CHST9: variants seen among roughly 807,000 people sequenced by gnomAD.
CHST9 encodes GalNAc-4-sulfotransferase 2.
In CHST9, 41 loss-of-function variants were observed where a neutral mutation model predicts 44.4. The ratio of observed to expected loss-of-function variants is 0.92; its 90% CI spans 0.72 to 1.20. The LOEUF (loss-of-function observed/expected upper bound fraction) is 1.20. Ranked by LOEUF, CHST9 falls within the 50% of genes most tolerant of loss-of-function variation. The pLI, the probability that CHST9 is intolerant of heterozygous loss-of-function variation, is 0.00. For missense variants in CHST9, 504 were observed against 516.5 expected, an observed-to-expected ratio of 0.98 and a Z score of 0.23; for synonymous variants, 171 against 178.4, an observed-to-expected ratio of 0.96 and a Z score of 0.33.
rs571608938 is a variant in CHST9 at position 27,158,537 on chromosome 18, C to T, written c.-96-15632G>A. On this transcript the variant is annotated intron_variant, in intron 1 of 5. Coordinates refer to ENST00000618847, the MANE Select transcript of CHST9 (RefSeq NM_031422.6). ...CATTTGGGTTGGTTCCAAGTCTTTG[C>T]TATTGTGAATAGTGCCACAATAAAC... 2.4e-3 allele frequency among the ~76,000 whole-genome samples: 359 copies of T among 151,702 alleles called. 1 individual carries two copies. The highest frequency in any genetic ancestry group is 8.3e-3 in the African/African-American group (344 of 41,348).
intron 4 of CHST9, among the ~76,000 whole-genome samples, chr18:26,946,858 T>A (rs1405714080): frequency 6.6e-6 from 1 of 152,106 alleles, no homozygotes; most frequent in African/African-American, 2.4e-5. Context: ...GAGGCCTCTG[T>A]TCTGTTCTGT....
intron 2 of CHST9, among the ~76,000 whole-genome samples, chr18:27,065,493 T>C (rs2057771675): frequency 6.6e-6 from 1 of 151,988 alleles, no homozygotes; most frequent in Non-Finnish European, 1.5e-5. Flanking sequence ...TTTTGGTTAT[T>C]CAAGTGAGAC....
intron 4 of CHST9, among the ~76,000 whole-genome samples, chr18:26,955,714 G>A (rs1228507337): frequency 1.3e-5 from 2 of 152,144 alleles, no homozygotes; most frequent in African/African-American, 4.8e-5. Context: ...GAAGAGGCAG[G>A]TGATTACTGG....
At chr18:26,937,874 TA>T (rs1406941279) in intron 5 of CHST9, among the ~76,000 whole-genome samples, 3 of 152,192 alleles carry the variant, frequency 2.0e-5, no homozygotes, top group Admixed American at 1.3e-4. Context: ...GAAAAATTAC[TA>T]AATCTGATTT....
intron 2 of CHST9, among the ~76,000 whole-genome samples, chr18:27,057,936 A>G (rs1316369976): frequency 6.6e-6 from 1 of 152,222 alleles, no homozygotes; most frequent in Non-Finnish European, 1.5e-5. Context: ...CAAGCACGTA[A>G]TTAATGTGAC....
rs192539924 is a variant in CHST9 at position 27,111,835 on chromosome 18, G to A, written c.121+30854C>T. Reference sequence around the variant, plus strand: ...CTGAATAGCACAAAAAGGTGAGAAAGGTTGACTTTGCTCTTAGGCATTGCT... The same window carrying A: ...CTGAATAGCACAAAAAGGTGAGAAAAGTTGACTTTGCTCTTAGGCATTGCT... On this transcript the variant is annotated intron_variant, in intron 2 of 5. Coordinates refer to ENST00000618847, the MANE Select transcript of CHST9 (RefSeq NM_031422.6). Among the ~76,000 whole-genome samples, 5 of 152,240 alleles carry A rather than the reference G, an allele frequency of 3.3e-5. 1 individual carries two copies. The highest frequency in any genetic ancestry group is 2.6e-4 in the Admixed American group (4 of 15,290).
At chr18:26,925,671 T>C (rs1598561285) in intron 5 of CHST9, 1 of 152,236 alleles carries the variant, frequency 6.6e-6, no homozygotes, top group East Asian at 1.9e-4. Context: ...TCGGTTATCT[T>C]ATTTTGTTTT....
intron 5 of CHST9, among the ~76,000 whole-genome samples, chr18:26,940,598 G>A (rs905456888): frequency 5.3e-5 from 8 of 152,182 alleles, no homozygotes; most frequent in African/African-American, 1.9e-4. Flanking sequence ...ACAAGGGCCT[G>A]GATGAAGCAG....
chr18:26,998,739 C>CAAAAAAAAAAAAAAAAAAAAAA (rs11480705), intron 4 of CHST9, among the ~76,000 whole-genome samples: 1 of 114,130 alleles, frequency 8.8e-6, no homozygotes. Flanking sequence ...ACAACAACAA[C>CAAAAAAAAAAAAAAAAAAAAAA]AAAAAAAAAA....
intron 1 of CHST9, among the ~76,000 whole-genome samples, chr18:27,163,597 G>T (rs573714918): frequency 3.7e-4 from 57 of 152,318 alleles, no homozygotes; most frequent in Admixed American, 9.2e-4. Context: ...CTCCGTGGGC[G>T]TAGGACCCTC....
At chr18:27,107,250 A>C (rs1293439198) in intron 2 of CHST9, among the ~76,000 whole-genome samples, 2 of 152,186 alleles carry the variant, frequency 1.3e-5, no homozygotes, top group African/African-American at 2.4e-5. Context: ...GAGTTACTGA[A>C]GTTTCCGCCA....
At chr18:27,034,710 A>C (rs944458949) in intron 3 of CHST9, among the ~76,000 whole-genome samples, 2 of 152,014 alleles carry the variant, frequency 1.3e-5, no homozygotes, top group Non-Finnish European at 2.9e-5. Context: ...TGGTTCCTTC[A>C]TATCACTCAG....
chr18:27,172,566 C>T (rs73944537), intron 1 of CHST9, among the ~76,000 whole-genome samples: 277 of 152,040 alleles, frequency 1.8e-3, no homozygotes, highest in African/African-American at 6.3e-3. Context: ...CTTATTAAAA[C>T]AATATCAAGT....
chr18:26,939,398 C>T (rs16943002), intron 5 of CHST9, among the ~76,000 whole-genome samples: 21,633 of 152,172 alleles, frequency 0.14, 1,839 homozygotes, highest in East Asian at 0.23. Context: ...GGAGAATCCT[C>T]TCCAAAGGAG....
chr18:26,974,425 G>C (rs571688981), intron 4 of CHST9, among the ~76,000 whole-genome samples: 175 of 152,310 alleles, frequency 1.1e-3, no homozygotes, highest in African/African-American at 4.0e-3. Context: ...GAAAGGAAGA[G>C]GGAAGAGAAG....
At chr18:27,106,825 T>C (rs1394065626) in intron 2 of CHST9, among the ~76,000 whole-genome samples, 1 of 152,210 alleles carries the variant, frequency 6.6e-6, no homozygotes, top group East Asian at 1.9e-4. Flanking sequence ...ATCTACCTGC[T>C]TACTACCCTA....
chr18:27,154,689 G>A (rs1182790525), intron 1 of CHST9, among the ~76,000 whole-genome samples: 1 of 151,986 alleles, frequency 6.6e-6, no homozygotes, highest in Non-Finnish European at 1.5e-5. Context: ...TCTTGGAGGA[G>A]GTTTATCACA....
At chr18:27,063,596 A>C (rs1405032179) in intron 2 of CHST9, among the ~76,000 whole-genome samples, 1 of 152,202 alleles carries the variant, frequency 6.6e-6, no homozygotes, top group Non-Finnish European at 1.5e-5. Flanking sequence ...TCATGTGTAT[A>C]AAATGTTCTC....
At chr18:27,037,565 G>A (rs753098783) in intron 3 of CHST9, among the ~76,000 whole-genome samples, 2 of 152,124 alleles carry the variant, frequency 1.3e-5, no homozygotes, top group African/African-American at 4.8e-5. Context: ...GGTGGCACAC[G>A]CTTGTGTGTC....
Sources: allele counts gnomAD v4.1 joint callset (sites outside exome capture counted in the v4.1 genomes callset), GRCh38; gene constraint gnomAD v4.1.1; transcripts MANE v1.5; gene names NCBI Gene and HGNC (gene_info 2026-07-23, HGNC 2026-07-21).